Variants in SPAST observed in about 807,000 individuals in gnomAD.
The protein encoded by SPAST is spastin.
SPAST carries 30 observed loss-of-function variants against 76.6 expected under a neutral mutation model. That is an observed-to-expected ratio of 0.39 (90% confidence interval 0.29 to 0.53). The LOEUF (loss-of-function observed/expected upper bound fraction) is 0.53. Among genes scored for constraint, SPAST ranks in the 20% least tolerant of loss-of-function variants. The pLI is 0.68. For synonymous variants in SPAST, 305 were observed against 281.0 expected (o/e 1.09, Z -0.86); for missense variants, 717 against 770.5 (o/e 0.93, Z 0.82).
At chr2:32,118,851 C>T (rs1558326331) in intron 7 of SPAST, among the ~76,000 whole-genome samples, 2 of 152,068 alleles carry the variant, frequency 1.3e-5, no homozygotes, top group Non-Finnish European at 2.9e-5. Flanking sequence ...AATATTTAGG[C>T]TATGCAAGAA....
At chr2:32,080,196 A>G (rs1677148148) in intron 1 of SPAST, among the ~76,000 whole-genome samples, 2 of 152,190 alleles carry the variant, frequency 1.3e-5, no homozygotes, top group South Asian at 4.1e-4. Context: ...GCATTTTGTC[A>G]TGTACTTATG....
At chr2:32,093,813 T>C (rs2148713736) in intron 3 of SPAST, among the ~76,000 whole-genome samples, 1 of 151,974 alleles carries the variant, frequency 6.6e-6, no homozygotes, top group East Asian at 1.9e-4. Context: ...TGAAGCTATC[T>C]TAAAAATATA....
chr2:32,104,160 G>A (rs1470799263), intron 4 of SPAST, among the ~76,000 whole-genome samples: 1 of 152,086 alleles, frequency 6.6e-6, no homozygotes, highest in Non-Finnish European at 1.5e-5. Flanking sequence ...TATATATTTA[G>A]GATAGTTAGC....
chr2:32,155,090 T>A lies in SPAST; in HGVS notation c.*594T>A, dbSNP rs550738441. 1 of 153,534 alleles carries A rather than the reference T, an allele frequency of 6.5e-6. No homozygotes were observed. Among genetic ancestry groups the A allele is most frequent in the South Asian group, 2.1e-4 (1 of 4,874 alleles). The allele number at this position is 153,534 out of a possible 1,614,324, so 9.5% of individuals were successfully genotyped here. ...TTTCTTCTTCATAAATCTACAGACA[T>A]TAAACAATTGTTGTGTTCTTTTTAC... On this transcript the variant is annotated 3_prime_UTR_variant, in exon 17 of 17. Transcript: ENST00000315285.
At chr2:32,105,368 G>A (rs1678281226) in intron 4 of SPAST, among the ~76,000 whole-genome samples, 1 of 152,070 alleles carries the variant, frequency 6.6e-6, no homozygotes, top group Non-Finnish European at 1.5e-5. Flanking sequence ...CTTTTTTCAA[G>A]GTTTTTAGCT....
At chr2:32,142,796 A>G (rs1014887080) in intron 13 of SPAST, among the ~76,000 whole-genome samples, 20 of 152,214 alleles carry the variant, frequency 1.3e-4, no homozygotes, top group Non-Finnish European at 2.6e-4. Flanking sequence ...TGAACTAAAA[A>G]GTGTTCTAAA....
In SPAST at chr2:32,121,433, G is replaced by A. The variant is rs567039248; in HGVS notation, c.1098+5221G>A. On this transcript the variant is annotated intron_variant, in intron 7 of 16. Coordinates refer to ENST00000315285, the MANE Select transcript of SPAST (RefSeq NM_014946.4). ...TGGGATTAGAGGCATGAGCCACTGCGCCCAGCCCCTCTTGGACCTTTCTAG... is the reference window on the plus strand; with the variant it reads ...TGGGATTAGAGGCATGAGCCACTGCACCCAGCCCCTCTTGGACCTTTCTAG... Among the ~76,000 whole-genome samples, 13 of 151,804 alleles carry A rather than the reference G, an allele frequency of 8.6e-5. No individual in the cohort carries two copies. In the East Asian group the frequency reaches 2.3e-3, roughly 27 times the overall value.
chr2:32,087,694 CTT>C (rs770566493), intron 2 of SPAST, 116 bp downstream of exon 2: 4,029 of 183,622 alleles, frequency 0.022, no homozygotes, highest in Middle Eastern at 0.052. Flanking sequence ...CTTTTCTTTT[CTT>C]TTTTTTTTTT....
chr2:32,113,749 C>T (rs1289827887), intron 4 of SPAST, among the ~76,000 whole-genome samples: 3 of 148,948 alleles, frequency 2.0e-5, no homozygotes, highest in Non-Finnish European at 4.5e-5. Context: ...GTATTTTTAG[C>T]AGAGACGAGG....
chr2:32,131,850 CG>C (rs1442178443), intron 9 of SPAST, among the ~76,000 whole-genome samples: 1 of 151,562 alleles, frequency 6.6e-6, no homozygotes, highest in Non-Finnish European at 1.5e-5. Flanking sequence ...TTAGTAGAGA[CG>C]GGGTTTCACC....
Position 32,064,279 on chromosome 2 carries a change from G to T in SPAST, c.415+33G>T, listed in dbSNP as rs758894958. 75 of 1,309,358 alleles carry T rather than the reference G, an allele frequency of 5.7e-5. 1 individual carries two copies. The highest frequency in any genetic ancestry group is 6.1e-5 in the Non-Finnish European group (58 of 956,156). The allele number at this position is 1,309,358 out of a possible 1,614,324, so 81.1% of individuals were successfully genotyped here. On this transcript the variant is annotated intron_variant, in intron 1 of 16. Transcript: ENST00000315285. ...GGGGGCTGGGGGAGGGGGCGGCGGCGCCGGGAAGAAGGCGGTGGGGTCGCC... is the reference window on the plus strand; with the variant it reads ...GGGGGCTGGGGGAGGGGGCGGCGGCTCCGGGAAGAAGGCGGTGGGGTCGCC...
chr2:32,066,077 G>A (rs1309002168), intron 1 of SPAST: 1 of 151,388 alleles, frequency 6.6e-6, no homozygotes, highest in Non-Finnish European at 1.5e-5. Context: ...AGACGCAGGC[G>A]ATTCTCTTGC....
At chr2:32,121,940 TC>T (rs1460694152) in intron 7 of SPAST, among the ~76,000 whole-genome samples, 1 of 152,256 alleles carries the variant, frequency 6.6e-6, no homozygotes, top group Non-Finnish European at 1.5e-5. Flanking sequence ...TCAAGATTCC[TC>T]CTCTTTTCTT....
chr2:32,135,975 T>A (rs1679522580), intron 9 of SPAST, among the ~76,000 whole-genome samples: 1 of 151,444 alleles, frequency 6.6e-6, no homozygotes, highest in African/African-American at 2.4e-5. Context: ...CTACCTGGGA[T>A]GTTGAGGGAT....
intron 4 of SPAST, among the ~76,000 whole-genome samples, chr2:32,109,881 T>TATAGTTACATATGTATATGCATACAC (rs1678471395): frequency 6.7e-6 from 1 of 148,856 alleles, no homozygotes; most frequent in Non-Finnish European, 1.5e-5. Flanking sequence ...CATATACATA[T>TATAGTTACATATGTATATGCATACAC]ATAGTTACAT....
At position 32,126,960 on chromosome 2, in the gene SPAST, C is replaced by A; in HGVS notation, c.1111C>A (p.Leu371Ile). Reference sequence around the variant, plus strand: ...ATATATTTTTTAGTTGTTCACAGGGCTTAGAGCTCCTGCCAGAGGGCTGTT... The same window carrying A: ...ATATATTTTTTAGTTGTTCACAGGGATTAGAGCTCCTGCCAGAGGGCTGTT... ...PSLRPELFTGLRAPARGLLLF... is the reference protein window; with the variant it reads ...PSLRPELFTGIRAPARGLLLF... Residue 371 changes from leucine (L) to isoleucine (I), a missense_variant, in exon 8 of 17, where the codon CTT becomes ATT. Leu to Ile is a conservative substitution (Grantham distance 5, BLOSUM62 2). Transcript: ENST00000315285. 1 of 1,610,002 alleles carries A rather than the reference C, an allele frequency of 6.2e-7. No individual in the cohort carries two copies. The highest frequency in any genetic ancestry group is 1.3e-5 in the African/African-American group (1 of 74,914).
Position 32,116,232 on chromosome 2 carries a change from A to T in SPAST, c.1098+20A>T. On this transcript the variant is annotated intron_variant, in intron 7 of 16. Coordinates refer to ENST00000315285, the MANE Select transcript of SPAST (RefSeq NM_014946.4). ...CCTGAGGTAAGAACTTTATATTATC[A>T]TTTTTCTATAATACCATCTGTTACT... The T allele has an allele frequency of 6.9e-7, 1 of 1,459,346 alleles. No individual in the cohort carries two copies. The highest frequency in any genetic ancestry group is 9.6e-7 in the Non-Finnish European group (1 of 1,039,322). 90.4% of individuals were successfully genotyped at this position (1,459,346 alleles called of 1,614,324 possible).
intron 4 of SPAST, among the ~76,000 whole-genome samples, chr2:32,102,029 G>C (rs1678145226): frequency 6.6e-6 from 1 of 152,190 alleles, no homozygotes; most frequent in Non-Finnish European, 1.5e-5. Flanking sequence ...TTTGTAGCTT[G>C]ATGGGGATGG....
Position 32,063,583 on chromosome 2 carries a change from G to T in SPAST, c.-249G>T. On this transcript the variant is annotated 5_prime_UTR_variant, in exon 1 of 17. Transcript: ENST00000315285. ...GGCCGCCGCTGGGAGCCACCAGGCG[G>T]CGGAGAGGACAGCGACAGGAAGGGA... 1.9e-6 allele frequency: 1 copy of T among 517,992 alleles called. No homozygotes were observed. The highest frequency in any genetic ancestry group is 3.4e-6 in the Non-Finnish European group (1 of 296,742). The allele number at this position is 517,992 out of a possible 1,614,324, so 32.1% of individuals were successfully genotyped here.
Sources: allele counts gnomAD v4.1 joint callset (sites outside exome capture counted in the v4.1 genomes callset), GRCh38; gene constraint gnomAD v4.1.1; transcripts MANE v1.5; gene names NCBI Gene and HGNC (gene_info 2026-07-23, HGNC 2026-07-21).